POR: variants seen among roughly 807,000 people sequenced by gnomAD.
POR encodes the protein NADPH--cytochrome P450 reductase.
POR carries 56 observed loss-of-function variants against 84.0 expected under a neutral mutation model. That is an observed-to-expected ratio of 0.67 (90% CI 0.54 to 0.83). POR has a LOEUF of 0.83. Ranked by LOEUF, POR falls within the 40% of genes least tolerant of loss-of-function variation. The pLI, the probability that POR is intolerant of heterozygous loss-of-function variation, is 0.00. For missense variants in POR, 938 were observed against 944.3 expected (o/e 0.99, Z 0.09); for synonymous variants, 414 against 400.5 (o/e 1.03, Z -0.40).
chr7:75,970,395 C>T (rs965985671), intron 2 of POR, among the ~76,000 whole-genome samples: 2 of 150,708 alleles, frequency 1.3e-5, no homozygotes, highest in African/African-American at 4.9e-5. Flanking sequence ...GTCATGTGAT[C>T]GCACAGTGGT....
chr7:75,932,854 C>T (rs1005841386), intron 1 of POR, among the ~76,000 whole-genome samples: 5 of 151,914 alleles, frequency 3.3e-5, no homozygotes, highest in African/African-American at 4.8e-5. Context: ...CCCATCTCTA[C>T]TACAAATACA....
intron 8 of POR, 140 bp downstream of exon 8, chr7:75,982,462 G>T: frequency 1.4e-6 from 1 of 710,100 alleles, no homozygotes; most frequent in Non-Finnish European, 2.4e-6. Flanking sequence ...GAGTGTCCAC[G>T]ACCTGTCCAC....
intron 1 of POR, among the ~76,000 whole-genome samples, chr7:75,931,797 C>T (rs1039172731): frequency 1.2e-4 from 19 of 152,142 alleles, no homozygotes; most frequent in African/African-American, 2.2e-4. Context: ...CCAGACTCAC[C>T]CACACATGAA....
chr7:75,951,364 A>G (rs1787414142), intron 1 of POR, among the ~76,000 whole-genome samples: 1 of 152,152 alleles, frequency 6.6e-6, no homozygotes, highest in South Asian at 2.1e-4. Context: ...ATTGCACTCT[A>G]GCCAGGGTGA....
chr7:75,982,255 G>A lies in POR; in HGVS notation c.763G>A (p.Asp255Asn), dbSNP rs41299514. Residue 255 changes from aspartate (D) to asparagine (N), a missense_variant, in exon 8 of 16, where the codon GAC becomes AAC. Physicochemically the swap from Asp to Asn is conservative, Grantham distance 23. Coordinates refer to ENST00000461988, the MANE Select transcript of POR (RefSeq NM_000941.3). ...CCAGTACGAGCTTGTGGTCCACACC[G>A]ACATAGATGCGGCCAAGGTGTACAT... 11 of 1,612,658 alleles carry A rather than the reference G, an allele frequency of 6.8e-6. No individual in the cohort carries two copies. The highest frequency in any genetic ancestry group is 6.7e-5 in the East Asian group (3 of 44,840).
At chr7:75,959,164 G>A (rs1442401429) in intron 2 of POR, among the ~76,000 whole-genome samples, 1 of 152,180 alleles carries the variant, frequency 6.6e-6, no homozygotes. Flanking sequence ...CTTAAGCCCA[G>A]GAGTTGGAGA....
chr7:75,940,527 G>T (rs181969958), intron 1 of POR, among the ~76,000 whole-genome samples: 6 of 147,812 alleles, frequency 4.1e-5, no homozygotes, highest in African/African-American at 1.5e-4. Context: ...GCTCACACCT[G>T]TAATACCAGC....
At position 75,981,603 on chromosome 7, in the gene POR, C is replaced by T; in HGVS notation, c.728C>T (p.Ser243Phe). The T allele has an allele frequency of 6.2e-7, 1 of 1,612,418 alleles. No homozygotes were observed. The highest frequency in any genetic ancestry group is 8.5e-7 in the Non-Finnish European group (1 of 1,179,402). ...GGGGTGGAAGCCACTGGCGAGGAGT[C>T]CAGGTGAGCAAGTGCCCGCAGGTGC... Residue 243 changes from serine (S) to phenylalanine (F), a missense_variant, in exon 7 of 16, where the codon TCC becomes TTC. Coordinates refer to ENST00000461988, the MANE Select transcript of POR (RefSeq NM_000941.3).
At chr7:75,931,615 C>T (rs1217108943) in intron 1 of POR, among the ~76,000 whole-genome samples, 6 of 152,220 alleles carry the variant, frequency 3.9e-5, no homozygotes, top group Non-Finnish European at 5.9e-5. Flanking sequence ...GTGATCCTCC[C>T]GCCTTGGTCT....
intron 1 of POR, among the ~76,000 whole-genome samples, chr7:75,930,679 C>A (rs1002300854): frequency 6.6e-6 from 1 of 151,964 alleles, no homozygotes; most frequent in Non-Finnish European, 1.5e-5. Context: ...TGTGCCACCA[C>A]GCCCGTCTAA....
At position 75,979,440 on chromosome 7, in the gene POR, G is replaced by C; in HGVS notation, c.238-11G>C. ...TGTGGCCCTCACCAACCCTGTGTCT[G>C]CCTTCCTTAGGGGAGGAACATCATC... is the stretch of plus-strand genomic sequence containing the variant. On this transcript the variant is annotated splice_polypyrimidine_tract_variant and intron_variant, in intron 3 of 15. Transcript: ENST00000461988. The C allele has an allele frequency of 6.2e-7, 1 of 1,611,858 alleles. No homozygotes were observed. Among genetic ancestry groups the C allele is most frequent in the Non-Finnish European group, 8.5e-7 (1 of 1,179,164 alleles).
At chr7:75,963,566 T>C (rs1479354365) in intron 2 of POR, among the ~76,000 whole-genome samples, 1 of 152,144 alleles carries the variant, frequency 6.6e-6, no homozygotes, top group Admixed American at 6.6e-5. Context: ...CTGGGCCCTG[T>C]CGGGTGCAGG....
At chr7:75,942,506 G>A (rs1786966359) in intron 1 of POR, among the ~76,000 whole-genome samples, 1 of 149,810 alleles carries the variant, frequency 6.7e-6, no homozygotes, top group Non-Finnish European at 1.5e-5. Context: ...TTGCATTATT[G>A]CATTGCAGAT....
chr7:75,975,103 T>TA (rs1413745197), intron 3 of POR, among the ~76,000 whole-genome samples: 1 of 152,240 alleles, frequency 6.6e-6, no homozygotes, highest in African/African-American at 2.4e-5. Flanking sequence ...CTTCTGGTCT[T>TA]AGAGTCATAA....
intron 1 of POR, among the ~76,000 whole-genome samples, chr7:75,949,744 G>A (rs56002205): frequency 0.057 from 8,629 of 150,388 alleles, 365 homozygotes; most frequent in Non-Finnish European, 0.086. Context: ...GGTCTCAAAC[G>A]CCTGACCTCA....
intron 2 of POR, among the ~76,000 whole-genome samples, chr7:75,958,125 T>C (rs1787766178): frequency 6.6e-6 from 1 of 152,162 alleles, no homozygotes. Context: ...ACTATTTATT[T>C]ATTTATTTTG....
At position 75,974,311 on chromosome 7, in the gene POR, C is replaced by T. The variant is rs553327616; in HGVS notation, c.237+1850C>T. ...CTACAAATCGTCCCCGTAGGAGTCACACCGTGGCACGCGCTCAAGAATAGC... is the reference window on the plus strand; with the variant it reads ...CTACAAATCGTCCCCGTAGGAGTCATACCGTGGCACGCGCTCAAGAATAGC... On this transcript the variant is annotated intron_variant, in intron 3 of 15. Coordinates refer to ENST00000461988, the MANE Select transcript of POR (RefSeq NM_000941.3). Among the ~76,000 whole-genome samples, 11 of 152,230 alleles carry T rather than the reference C, an allele frequency of 7.2e-5. No homozygotes were observed. In the South Asian group the frequency reaches 8.3e-4, roughly 11 times the overall value.
chr7:75,952,524 A>AC (rs1787486833), intron 1 of POR, among the ~76,000 whole-genome samples: 1 of 151,340 alleles, frequency 6.6e-6, no homozygotes, highest in African/African-American at 2.4e-5. Flanking sequence ...CACTTCCCAG[A>AC]TGGGGTGGCT....
chr7:75,945,531 G>A (rs1294766952), intron 1 of POR: 1 of 152,118 alleles, frequency 6.6e-6, no homozygotes, highest in African/African-American at 2.4e-5. Context: ...GGAGAGTGTA[G>A]TGTTCCCCGA....
Sources: gnomAD v4.1 joint callset for allele counts (sites outside exome capture counted in the v4.1 genomes callset) on GRCh38, gnomAD v4.1.1 for gene constraint, MANE v1.5 for transcripts, NCBI Gene and HGNC (gene_info 2026-07-23, HGNC 2026-07-21) for gene names.